THSD4: variants seen among roughly 807,000 people sequenced by gnomAD.
THSD4 encodes thrombospondin type 1 domain containing 4.
A neutral mutation model predicts 119.0 loss-of-function variants in THSD4; 69 were observed. The ratio of observed to expected loss-of-function variants is 0.58; its 90% CI spans 0.48 to 0.71. The LOEUF (loss-of-function observed/expected upper bound fraction) is 0.71. Ranked by LOEUF, THSD4 falls within the 30% of genes least tolerant of loss-of-function variation. The pLI, the probability that THSD4 is intolerant of heterozygous loss-of-function variation, is 0.00. For missense variants in THSD4, 1,393 were observed against 1,391.1 expected (o/e 1.00, Z -0.02); for synonymous variants, 524 against 540.4 (o/e 0.97, Z 0.42).
chr15:71,246,584 A>C (rs1453560128), intron 5 of THSD4, among the ~76,000 whole-genome samples: 1 of 152,186 alleles, frequency 6.6e-6, no homozygotes, highest in Non-Finnish European at 1.5e-5. Flanking sequence ...TGAATTCTTT[A>C]TGTCTTCCGA....
intron 8 of THSD4, among the ~76,000 whole-genome samples, chr15:71,666,516 A>G (rs1305261661): frequency 6.6e-6 from 1 of 152,166 alleles, no homozygotes; most frequent in East Asian, 1.9e-4. Flanking sequence ...CCACACATAT[A>G]TAATACTTCA....
At chr15:71,384,796 T>C (rs1295079740) in intron 6 of THSD4, among the ~76,000 whole-genome samples, 1 of 152,160 alleles carries the variant, frequency 6.6e-6, no homozygotes, top group Non-Finnish European at 1.5e-5. Context: ...GACTTTGCCT[T>C]TCAGGGCCTA....
intron 6 of THSD4, among the ~76,000 whole-genome samples, chr15:71,362,972 A>T (rs1203961737): frequency 9.6e-5 from 1 of 10,376 alleles, no homozygotes; most frequent in Non-Finnish European, 3.2e-4. Context: ...TGATGAGCTA[A>T]AAAAAAAAAA....
At chr15:71,433,541 C>A (rs2046968782) in intron 7 of THSD4, among the ~76,000 whole-genome samples, 1 of 151,186 alleles carries the variant, frequency 6.6e-6, no homozygotes. Context: ...TTAACTAAGG[C>A]CTCTGAGATA....
intron 7 of THSD4, among the ~76,000 whole-genome samples, chr15:71,414,994 A>G (rs563351678): frequency 2.2e-4 from 33 of 152,344 alleles, no homozygotes; most frequent in African/African-American, 7.7e-4. Context: ...TTCAAAGGGT[A>G]AAGTGTCCTT....
intron 6 of THSD4, among the ~76,000 whole-genome samples, chr15:71,380,824 A>G (rs1330163010): frequency 6.6e-6 from 1 of 152,108 alleles, no homozygotes; most frequent in Non-Finnish European, 1.5e-5. Flanking sequence ...GCCACCCACC[A>G]CTTAGGATGC....
chr15:71,480,313 C>G (rs1382756653), intron 7 of THSD4, among the ~76,000 whole-genome samples: 2 of 152,302 alleles, frequency 1.3e-5, no homozygotes, highest in East Asian at 1.9e-4. Context: ...GCTGGGATTA[C>G]AGGCATGTGC....
chr15:71,759,488 C>T (rs540298033), intron 15 of THSD4, among the ~76,000 whole-genome samples: 2 of 152,322 alleles, frequency 1.3e-5, no homozygotes, highest in African/African-American at 2.4e-5. Context: ...TTACCCATTG[C>T]TTGGGATATG....
intron 7 of THSD4, among the ~76,000 whole-genome samples, chr15:71,554,055 AGTTTT>A (rs1454212922): frequency 2.7e-5 from 4 of 147,416 alleles, no homozygotes; most frequent in African/African-American, 7.5e-5. Flanking sequence ...GCTTTGAAAC[AGTTTT>A]GTTTTGTTTT....
chr15:71,282,620 C>T (rs2044666776), intron 6 of THSD4, among the ~76,000 whole-genome samples: 1 of 152,120 alleles, frequency 6.6e-6, no homozygotes, highest in African/African-American at 2.4e-5. Flanking sequence ...TACTTTCCCA[C>T]CATTCCACTT....
intron 6 of THSD4, among the ~76,000 whole-genome samples, chr15:71,355,349 C>A (rs1020298970): frequency 2.7e-4 from 41 of 152,176 alleles, no homozygotes; most frequent in African/African-American, 9.4e-4. Context: ...CCTTTCAGAG[C>A]AAGACATGCT....
At chr15:71,765,660 T>C (rs546782391) in intron 16 of THSD4, among the ~76,000 whole-genome samples, 4 of 152,306 alleles carry the variant, frequency 2.6e-5, no homozygotes, top group African/African-American at 7.2e-5. Context: ...CCCAATACTT[T>C]GGGAGGCCAA....
chr15:71,628,332 A>G (rs940993838), intron 7 of THSD4, among the ~76,000 whole-genome samples: 3 of 152,188 alleles, frequency 2.0e-5, no homozygotes, highest in African/African-American at 4.8e-5. Context: ...TCTTAACTGG[A>G]TAGTTTTATG....
rs34326932 is a variant in THSD4, at chr15:71,379,450, C to CTTTTTTTTT, written c.1016-32219_1016-32211dup. Among the ~76,000 whole-genome samples, 17 of 77,590 alleles carry CTTTTTTTTT rather than the reference C, an allele frequency of 2.2e-4. 1 individual carries two copies. Among genetic ancestry groups the CTTTTTTTTT allele is most frequent in the Non-Finnish European group, 3.4e-4 (14 of 41,190 alleles). The allele number at this position is 77,590 out of a possible 152,430, so 50.9% of individuals were successfully genotyped here. A position where few individuals can be genotyped will look rare whatever the true frequency, so the allele number is the denominator to read the frequency against. The stretch of plus-strand genomic sequence containing the variant: ...GACAAATTACTGAAGCAAATGGCTT[C>CTTTTTTTTT]TTTTTTTTTTTTTTTTTTTTTTTTT... On this transcript the variant is annotated intron_variant, in intron 6 of 17. Coordinates refer to ENST00000261862, the MANE Select transcript of THSD4 (RefSeq NM_024817.3).
chr15:71,690,730 G>C (rs756090643), intron 8 of THSD4, among the ~76,000 whole-genome samples: 1 of 152,146 alleles, frequency 6.6e-6, no homozygotes, highest in Non-Finnish European at 1.5e-5. Flanking sequence ...ATCTTACATG[G>C]ATGGCAGCAG....
rs1315812981 is a variant in THSD4, at chr15:71,777,461, G to A, written c.*87G>A. 1.3e-6 allele frequency: 2 copies of A among 1,507,304 alleles called. No individual in the cohort carries two copies. The highest frequency in any genetic ancestry group is 1.8e-6 in the Non-Finnish European group (2 of 1,128,964). The allele number at this position is 1,507,304 out of a possible 1,614,324, so 93.4% of individuals were successfully genotyped here. A position where few individuals can be genotyped will look rare whatever the true frequency, so the allele number is the denominator to read the frequency against. On this transcript the variant is annotated 3_prime_UTR_variant, in exon 18 of 18. Coordinates refer to ENST00000261862, the MANE Select transcript of THSD4 (RefSeq NM_024817.3). ...CCTGGCTGGCTGCTGCTCCACCACG[G>A]GCCCCCTGGCCCAGGCGCTGCCAAC...
intron 16 of THSD4, chr15:71,767,489 A>G (rs557648995): frequency 1.3e-5 from 2 of 152,344 alleles, no homozygotes; most frequent in African/African-American, 4.8e-5. Context: ...ATGATTGGGC[A>G]TATAATGTGT....
At chr15:71,511,590 G>C (rs1014686867) in intron 7 of THSD4, among the ~76,000 whole-genome samples, 3 of 152,038 alleles carry the variant, frequency 2.0e-5, no homozygotes, top group African/African-American at 7.2e-5. Flanking sequence ...CTTTTGTTTT[G>C]GCTTTTGCTT....
chr15:71,098,084 T>C (rs1472262590), intron 1 of THSD4, among the ~76,000 whole-genome samples: 1 of 152,086 alleles, frequency 6.6e-6, no homozygotes, highest in Non-Finnish European at 1.5e-5. Context: ...GTGAGCACAC[T>C]GTGTCCCAAG....
Sources: allele counts gnomAD v4.1 joint callset (sites outside exome capture counted in the v4.1 genomes callset), GRCh38; gene constraint gnomAD v4.1.1; transcripts MANE v1.5; gene names NCBI Gene and HGNC (gene_info 2026-07-23, HGNC 2026-07-21).